SAMTOR: variants seen among roughly 807,000 people sequenced by gnomAD.
SAMTOR encodes S-adenosylmethionine sensor upstream of mTORC1, also known as UPF0532 protein C7orf60.
At chr7:112,882,829 T>C in the SAMTOR span, among the ~76,000 whole-genome samples, 1 of 151,520 alleles carries the variant, frequency 6.6e-6, no homozygotes, top group Non-Finnish European at 1.5e-5. Flanking sequence ...GTAACATCTT[T>C]TGCTCACTAG....
At chr7:112,846,113 T>G in the SAMTOR span, among the ~76,000 whole-genome samples, 1 of 149,340 alleles carries the variant, frequency 6.7e-6, no homozygotes, top group African/African-American at 2.5e-5. Context: ...GGTACTAGGT[T>G]TAGCACCTGG....
chr7:112,842,343 T>C, the SAMTOR span, among the ~76,000 whole-genome samples: 2 of 152,088 alleles, frequency 1.3e-5, no homozygotes, highest in East Asian at 1.9e-4. Flanking sequence ...GTTCACCAAA[T>C]TGAGAAAGCA....
chr7:112,914,585 C>T, the SAMTOR span, among the ~76,000 whole-genome samples: 886 of 151,930 alleles, frequency 5.8e-3, 7 homozygotes, highest in African/African-American at 0.02. Context: ...TACCCTGAAC[C>T]GTACATCAAA....
the SAMTOR span, among the ~76,000 whole-genome samples, chr7:112,857,449 A>G: frequency 6.6e-6 from 1 of 152,220 alleles, no homozygotes; most frequent in Non-Finnish European, 1.5e-5. Context: ...TTTGAATAAA[A>G]ATATAAACAA....
chr7:112,825,796 A>G, the SAMTOR span, among the ~76,000 whole-genome samples: 2 of 151,758 alleles, frequency 1.3e-5, no homozygotes, highest in Non-Finnish European at 2.9e-5. Flanking sequence ...GGATGATGTT[A>G]GCTGGAGATT....
the SAMTOR span, among the ~76,000 whole-genome samples, chr7:112,870,731 C>A: frequency 6.8e-6 from 1 of 146,414 alleles, no homozygotes; most frequent in African/African-American, 2.5e-5. Context: ...ATTAGAAAGA[C>A]ATAAGTTGGA....
At chr7:112,853,663 C>G in the SAMTOR span, among the ~76,000 whole-genome samples, 2 of 152,086 alleles carry the variant, frequency 1.3e-5, no homozygotes, top group Non-Finnish European at 2.9e-5. Flanking sequence ...TTTCAAAGTG[C>G]TCTCTACAGA....
the SAMTOR span, among the ~76,000 whole-genome samples, chr7:112,895,275 A>G: frequency 4.5e-4 from 68 of 151,446 alleles, no homozygotes; most frequent in African/African-American, 1.3e-3. Context: ...GCCATAACAT[A>G]TATGTAATAT....
At chr7:112,851,187 T>C in the SAMTOR span, among the ~76,000 whole-genome samples, 1 of 151,904 alleles carries the variant, frequency 6.6e-6, no homozygotes, top group Non-Finnish European at 1.5e-5. Context: ...ATCAACAACA[T>C]TTTTCACCAA....
the SAMTOR span, among the ~76,000 whole-genome samples, chr7:112,917,441 C>A: frequency 1.4e-3 from 207 of 152,296 alleles, no homozygotes; most frequent in African/African-American, 4.6e-3. Context: ...ACCAAAAACC[C>A]ATCTGTACAT....
chr7:112,924,758 C>T, the SAMTOR span, among the ~76,000 whole-genome samples: 11 of 151,558 alleles, frequency 7.3e-5, no homozygotes, highest in East Asian at 3.9e-4. Context: ...TTAAGGTATT[C>T]GAGTTCAATC....
At chr7:112,902,462 C>CAAAAAAAAAAAAAAAAAA in the SAMTOR span, among the ~76,000 whole-genome samples, 3 of 83,666 alleles carry the variant, frequency 3.6e-5, no homozygotes, top group Non-Finnish European at 8.0e-5. Context: ...AAAAAAAAAC[C>CAAAAAAAAAAAAAAAAAA]AAAAAAGTTG....
chr7:112,886,810 C>A, the SAMTOR span, among the ~76,000 whole-genome samples: 3 of 152,162 alleles, frequency 2.0e-5, no homozygotes, highest in Non-Finnish European at 4.4e-5. Context: ...AATTTAGTAC[C>A]AATTTGGTAA....
At chr7:112,834,606 C>A in the SAMTOR span, among the ~76,000 whole-genome samples, 1 of 152,144 alleles carries the variant, frequency 6.6e-6, no homozygotes, top group Non-Finnish European at 1.5e-5. Context: ...CACCGTCAGA[C>A]CCAGGACACG....
the SAMTOR span, among the ~76,000 whole-genome samples, chr7:112,883,111 GC>G: frequency 6.6e-6 from 1 of 152,050 alleles, no homozygotes. Context: ...ATATCTTAAG[GC>G]AGAATGGAGA....
At chr7:112,884,856 G>C in the SAMTOR span, among the ~76,000 whole-genome samples, 4 of 152,316 alleles carry the variant, frequency 2.6e-5, no homozygotes, top group African/African-American at 9.6e-5. Context: ...GAGGTTCCAA[G>C]ACCACATTTC....
At chr7:112,853,392 A>C in the SAMTOR span, among the ~76,000 whole-genome samples, 1 of 152,108 alleles carries the variant, frequency 6.6e-6, no homozygotes, top group Admixed American at 6.5e-5. Flanking sequence ...TTTCCAAAAC[A>C]GAGTTCAAGA....
the SAMTOR span, among the ~76,000 whole-genome samples, chr7:112,936,076 G>C: frequency 6.6e-6 from 1 of 151,904 alleles, no homozygotes; most frequent in East Asian, 1.9e-4. Context: ...TTTACATGGA[G>C]GTCAAATTTT....
chr7:112,907,850 T>C, the SAMTOR span, among the ~76,000 whole-genome samples: 9 of 144,650 alleles, frequency 6.2e-5, no homozygotes, highest in East Asian at 3.9e-4. Context: ...TACTTATTTA[T>C]TTATTTATTT....
Sources: gnomAD v4.1 joint callset for allele counts (sites outside exome capture counted in the v4.1 genomes callset) on GRCh38, gnomAD v4.1.1 for gene constraint, MANE v1.5 for transcripts, NCBI Gene and HGNC (gene_info 2026-07-23, HGNC 2026-07-21) for gene names.